Variants in SOX5 observed in about 807,000 individuals in gnomAD.
SOX5 encodes SRY-box transcription factor 5.
Under a neutral mutation model 92.0 loss-of-function variants are expected in SOX5, and 9 were observed. That is an observed-to-expected ratio of 0.10 (90% CI 0.06 to 0.17). The LOEUF is 0.17. Ranked by LOEUF, SOX5 falls within the 10% of genes least tolerant of loss-of-function variation. The pLI is 1.00. For missense variants in SOX5, 642 were observed against 944.5 expected, an observed-to-expected ratio of 0.68 and a Z score of 4.20; for synonymous variants, 344 against 336.3, an observed-to-expected ratio of 1.02 and a Z score of -0.25.
In SOX5 at chr12:23,885,365, A is replaced by T. The variant is rs115955271; in HGVS notation, c.270+10428T>A. On this transcript the variant is annotated intron_variant, in intron 2 of 14. Coordinates refer to ENST00000451604, the MANE Select transcript of SOX5 (RefSeq NM_006940.6). ...ACCCCTATCATCTTTTTCATATCCT[A>T]TCTCCATTTTAATGTTTTTATTAAC... 5.3e-3 allele frequency among the ~76,000 whole-genome samples: 809 copies of T among 152,242 alleles called. 8 individuals carry two copies. Among genetic ancestry groups the T allele is most frequent in the African/African-American group, 0.018 (756 of 41,552 alleles).
At chr12:24,402,163 G>A (rs866918496) in intron 1 of SOX5, among the ~76,000 whole-genome samples, 1 of 152,036 alleles carries the variant, frequency 6.6e-6, no homozygotes, top group South Asian at 2.1e-4. Flanking sequence ...AATGTTAGTG[G>A]GAGTATGGAC....
chr12:24,252,537 G>C (rs992992106), intron 3 of SOX5, among the ~76,000 whole-genome samples: 2 of 152,054 alleles, frequency 1.3e-5, no homozygotes, highest in African/African-American at 4.8e-5. Context: ...TAATAGGCAA[G>C]TGTTTCATCT....
At chr12:24,202,320 C>CA (rs1957600897) in intron 4 of SOX5, among the ~76,000 whole-genome samples, 1 of 152,130 alleles carries the variant, frequency 6.6e-6, no homozygotes, top group Non-Finnish European at 1.5e-5. Context: ...TTATTTAAGG[C>CA]ACACAATTTT....
chr12:24,232,407 G>T (rs1335476696), intron 3 of SOX5, among the ~76,000 whole-genome samples: 1 of 152,176 alleles, frequency 6.6e-6, no homozygotes, highest in Non-Finnish European at 1.5e-5. Flanking sequence ...TGGCTGTAAA[G>T]ATGTAAGAAC....
intron 8 of SOX5, among the ~76,000 whole-genome samples, chr12:23,638,826 TTC>T (rs2079622229): frequency 6.6e-6 from 1 of 151,874 alleles, no homozygotes; most frequent in African/African-American, 2.4e-5. Flanking sequence ...AAAAGCCAGG[TTC>T]TCTGATACGA....
rs560031653 is a variant in SOX5 at position 24,218,438 on chromosome 12, G to A, written c.-76-5021C>T. Among the ~76,000 whole-genome samples the A allele has an allele frequency of 1.2e-3, 186 of 152,270 alleles. 2 individuals carry two copies. Among genetic ancestry groups the A allele is most frequent in the African/African-American group, 4.2e-3 (176 of 41,562 alleles). The stretch of plus-strand genomic sequence containing the variant: ...TGTCCAAAATAGGCTAATCTATAGA[G>A]ACAGAGAGCAGATCAACGGCTACCT... On this transcript the variant is annotated intron_variant, in intron 3 of 4. Coordinates refer to the SOX5 transcript ENST00000446891.
chr12:23,755,818 T>C (rs2094350288), intron 3 of SOX5, 94 bp from the exon 4 acceptor site: 1 of 734,916 alleles, frequency 1.4e-6, no homozygotes, highest in Non-Finnish European at 2.2e-6. Context: ...AGGCCATCCC[T>C]ATCCCAGCCC....
At chr12:24,306,979 C>T (rs189027877) in intron 2 of SOX5, among the ~76,000 whole-genome samples, 24 of 152,150 alleles carry the variant, frequency 1.6e-4, no homozygotes, top group Admixed American at 1.1e-3. Flanking sequence ...AAAAACTACA[C>T]GATGATTAAA....
At chr12:23,564,773 C>G (rs1946788322) in intron 10 of SOX5, among the ~76,000 whole-genome samples, 1 of 152,188 alleles carries the variant, frequency 6.6e-6, no homozygotes, top group Non-Finnish European at 1.5e-5. Flanking sequence ...TGTTCTGGTA[C>G]TAAGAGCCTT....
chr12:23,902,287 G>A (rs1001410493), intron 1 of SOX5, among the ~76,000 whole-genome samples: 2 of 152,054 alleles, frequency 1.3e-5, no homozygotes, highest in Non-Finnish European at 2.9e-5. Flanking sequence ...TCCTTATATA[G>A]TACATTCTTT....
chr12:23,777,987 C>T (rs1050056708), intron 3 of SOX5, among the ~76,000 whole-genome samples: 1 of 152,068 alleles, frequency 6.6e-6, no homozygotes, highest in Non-Finnish European at 1.5e-5. Flanking sequence ...AAATATGAAA[C>T]ACAAATCAAC....
intron 6 of SOX5, among the ~76,000 whole-genome samples, chr12:23,717,821 C>T (rs1347136714): frequency 2.0e-5 from 3 of 152,200 alleles, no homozygotes; most frequent in Admixed American, 1.3e-4. Context: ...TAAGTTAACA[C>T]TGTACTGCAA....
At chr12:23,557,473 C>A (rs1372679556) in intron 11 of SOX5, among the ~76,000 whole-genome samples, 1 of 152,090 alleles carries the variant, frequency 6.6e-6, no homozygotes, top group African/African-American at 2.4e-5. Flanking sequence ...AATTCTCTGC[C>A]TTAAGAGATA....
At chr12:24,111,002 G>A (rs1565457412) in intron 4 of SOX5, among the ~76,000 whole-genome samples, 1 of 150,488 alleles carries the variant, frequency 6.6e-6, no homozygotes, top group Non-Finnish European at 1.5e-5. Flanking sequence ...CTCGACCCTT[G>A]GCATTAATAC....
At chr12:23,936,504 A>G (rs1308056222) in intron 1 of SOX5, among the ~76,000 whole-genome samples, 1 of 150,840 alleles carries the variant, frequency 6.6e-6, no homozygotes, top group African/African-American at 2.4e-5. Context: ...ATAAAATTCC[A>G]CTTTGTGGTA....
chr12:23,793,825 TGA>T (rs1254632314), intron 3 of SOX5, among the ~76,000 whole-genome samples: 1 of 152,230 alleles, frequency 6.6e-6, no homozygotes, highest in African/African-American at 2.4e-5. Context: ...CATTCACTCT[TGA>T]GGTAGCACAC....
Position 23,741,121 on chromosome 12 carries a change from G to A in SOX5, c.569-82C>T, listed in dbSNP as rs372852332. 1.9e-5 allele frequency: 19 copies of A among 992,748 alleles called. No individual in the cohort carries two copies. In the South Asian group the frequency reaches 2.1e-4, roughly 11 times the overall value. The allele number at this position is 992,748 out of a possible 1,614,324, so 61.5% of individuals were successfully genotyped here. A position where few individuals can be genotyped will look rare whatever the true frequency, so the allele number is the denominator to read the frequency against. On this transcript the variant is annotated intron_variant, in intron 4 of 14. Coordinates refer to ENST00000451604, the MANE Select transcript of SOX5 (RefSeq NM_006940.6). ...AATGAAAATGGCTCTGTTGTATACA[G>A]AGCCAGTCCAAATATAAAGTTCAAT... is the stretch of plus-strand genomic sequence containing the variant.
Position 24,385,956 on chromosome 12 carries a change from T to C in SOX5, c.-250-17317A>G, listed in dbSNP as rs553007085. Among the ~76,000 whole-genome samples, 7 of 126,826 alleles carry C rather than the reference T, an allele frequency of 5.5e-5. No homozygotes were observed. In the South Asian group the frequency reaches 1.7e-3, roughly 31 times the overall value. 83.2% of individuals were successfully genotyped at this position (126,826 alleles called of 152,430 possible). A position where few individuals can be genotyped will look rare whatever the true frequency, so the allele number is the denominator to read the frequency against. ...AAAAAAAAAAAAAAAGAGAGAGAGA[T>C]TTATGTGGCATTTTAAAAATAAATT... On this transcript the variant is annotated intron_variant, in intron 1 of 4. Transcript: ENST00000446891.
chr12:24,347,424 A>G (rs1170599905), intron 2 of SOX5, among the ~76,000 whole-genome samples: 1 of 152,174 alleles, frequency 6.6e-6, no homozygotes, highest in African/African-American at 2.4e-5. Context: ...GCTAATTAAT[A>G]TGTGCATTAC....
Sources: gnomAD v4.1 joint callset for allele counts (sites outside exome capture counted in the v4.1 genomes callset) on GRCh38, gnomAD v4.1.1 for gene constraint, MANE v1.5 for transcripts, NCBI Gene and HGNC (gene_info 2026-07-23, HGNC 2026-07-21) for gene names.